The following RMND5A variants were observed in gnomAD, a reference collection of about 807,000 sequenced individuals.
RMND5A encodes the protein E3 ubiquitin-protein transferase RMND5A.
Under a neutral mutation model 49.7 loss-of-function variants are expected in RMND5A, and 17 were observed. The ratio of observed to expected loss-of-function variants is 0.34; its 90% CI spans 0.23 to 0.51. The LOEUF (loss-of-function observed/expected upper bound fraction) is 0.51, where lower values mean the gene tolerates loss of function less well. Ranked by LOEUF, RMND5A falls within the 20% of genes least tolerant of loss-of-function variation. The pLI is 0.96. For synonymous variants in RMND5A, 156 were observed against 167.7 expected (o/e 0.93, Z 0.54); for missense variants, 255 against 471.3 (o/e 0.54, Z 4.25).
chr2:86,753,592 T>G, intron 4 of RMND5A, 34 bp downstream of exon 4: 2 of 1,125,978 alleles, frequency 1.8e-6, no homozygotes, highest in East Asian at 2.4e-5. Flanking sequence ...TTGAGTACTT[T>G]GAGAACTCTC....
At chr2:86,743,677 C>T (rs377041224) in intron 2 of RMND5A, among the ~76,000 whole-genome samples, 123 of 152,102 alleles carry the variant, frequency 8.1e-4, no homozygotes, top group African/African-American at 2.8e-3. Flanking sequence ...TCTTCTCATT[C>T]GTCATATGAA....
chr2:86,760,694 A>G (rs1672464913), intron 4 of RMND5A, among the ~76,000 whole-genome samples: 2 of 152,206 alleles, frequency 1.3e-5, no homozygotes. Flanking sequence ...AAAAATGGAT[A>G]ATTGGAAGAC....
chr2:86,776,177 G>A lies in RMND5A; in HGVS notation c.*2766G>A, dbSNP rs922696922. On this transcript the variant is annotated 3_prime_UTR_variant, in exon 9 of 9. Transcript: ENST00000283632. ...TCTGACTTAGCCAGAGCATCTGAGT[G>A]TTCAAGTACAGTTTTACAGTGGCTA... 29 of 152,320 alleles carry A rather than the reference G, an allele frequency of 1.9e-4. No individual in the cohort carries two copies. The highest frequency in any genetic ancestry group is 6.7e-4 in the African/African-American group (28 of 41,570). The allele number at this position is 152,320 out of a possible 1,614,324, so 9.4% of individuals were successfully genotyped here.
intron 6 of RMND5A, 108 bp from the exon 7 acceptor site, chr2:86,769,915 C>A: frequency 1.4e-6 from 1 of 732,232 alleles, no homozygotes; most frequent in Non-Finnish European, 2.4e-6. Context: ...TCACCCTGTC[C>A]AGTGGCCAGG....
Position 86,776,574 on chromosome 2 carries a change from C to T in RMND5A, c.*3163C>T, listed in dbSNP as rs1553428922. On this transcript the variant is annotated 3_prime_UTR_variant, in exon 9 of 9. Coordinates refer to ENST00000283632, the MANE Select transcript of RMND5A (RefSeq NM_022780.4). ...TTTATGCTGCGATTGATTTCCACCT[C>T]AGTGGCTTAGCCTTTGGGACAGTGG... 1 of 152,180 alleles carries T rather than the reference C, an allele frequency of 6.6e-6. No individual in the cohort carries two copies. Among genetic ancestry groups the T allele is most frequent in the Non-Finnish European group, 1.5e-5 (1 of 68,032 alleles). The allele number at this position is 152,180 out of a possible 1,614,324, so 9.4% of individuals were successfully genotyped here. A position where few individuals can be genotyped will look rare whatever the true frequency, so the allele number is the denominator to read the frequency against.
intron 6 of RMND5A, among the ~76,000 whole-genome samples, 161 bp from the exon 7 acceptor site, chr2:86,769,862 T>C (rs997955220): frequency 1.3e-5 from 2 of 152,202 alleles, no homozygotes; most frequent in Non-Finnish European, 1.5e-5. Context: ...ATTTCTCTTC[T>C]AGTGGAAATG....
intron 6 of RMND5A, among the ~76,000 whole-genome samples, chr2:86,766,908 C>T (rs1672607104): frequency 6.6e-6 from 1 of 152,080 alleles, no homozygotes; most frequent in Non-Finnish European, 1.5e-5. Context: ...CAGTACACAT[C>T]ATCTTAATAA....
chr2:86,770,153 A>C, intron 7 of RMND5A, 28 bp downstream of exon 7: 2 of 1,410,280 alleles, frequency 1.4e-6, no homozygotes, highest in Non-Finnish European at 2.0e-6. Context: ...TTGGCTATTT[A>C]CTTTTACTGC....
At chr2:86,720,955 A>T (rs1681200125) in intron 1 of RMND5A, 146 bp downstream of exon 1, 1 of 639,966 alleles carries the variant, frequency 1.6e-6, no homozygotes, top group East Asian at 3.3e-5. Flanking sequence ...GACCCCTGAG[A>T]CTTTTTCCCC....
rs1157214261 is a variant in RMND5A at position 86,750,223 on chromosome 2, C to G, written c.286-1673C>G. Among the ~76,000 whole-genome samples the G allele has an allele frequency of 2.6e-5, 4 of 152,330 alleles. No homozygotes were observed. In the East Asian group the frequency reaches 7.7e-4, roughly 29 times the overall value. On this transcript the variant is annotated intron_variant, in intron 2 of 8. Transcript: ENST00000283632. The stretch of plus-strand genomic sequence containing the variant: ...GATGTACGTTTGCTCTTCTTTCACT[C>G]TTGATGTTTCATGTTCCTTCTGGTG...
chr2:86,721,592 G>A (rs1270616842), intron 1 of RMND5A, among the ~76,000 whole-genome samples: 5 of 151,770 alleles, frequency 3.3e-5, no homozygotes, highest in Non-Finnish European at 7.4e-5. Flanking sequence ...TCCTATAGAA[G>A]GTGTTTCACC....
intron 2 of RMND5A, among the ~76,000 whole-genome samples, chr2:86,746,309 T>C (rs1681537042): frequency 6.6e-6 from 1 of 152,200 alleles, no homozygotes; most frequent in Non-Finnish European, 1.5e-5. Context: ...GTTTATATTT[T>C]CTAATAAGGA....
At chr2:86,752,398 T>C (rs888586621) in intron 3 of RMND5A, among the ~76,000 whole-genome samples, 1 of 152,250 alleles carries the variant, frequency 6.6e-6, no homozygotes, top group Non-Finnish European at 1.5e-5. Context: ...TCTTCTGTTC[T>C]AGCCCAGCTT....
chr2:86,728,273 G>T (rs1681301253), intron 1 of RMND5A, among the ~76,000 whole-genome samples: 1 of 82,700 alleles, frequency 1.2e-5, no homozygotes. Context: ...AGGAGGTCTG[G>T]GTTTGAATCC....
intron 1 of RMND5A, among the ~76,000 whole-genome samples, chr2:86,733,928 GA>G (rs1184205919): frequency 6.7e-6 from 1 of 150,002 alleles, no homozygotes; most frequent in African/African-American, 2.5e-5. Flanking sequence ...GGTTCTCCTA[GA>G]AGCAGGTTGT....
chr2:86,757,286 A>C (rs530769040), intron 4 of RMND5A, among the ~76,000 whole-genome samples: 1 of 151,858 alleles, frequency 6.6e-6, no homozygotes, highest in African/African-American at 2.4e-5. Flanking sequence ...ACACCTGATT[A>C]CATAGATCTA....
intron 4 of RMND5A, among the ~76,000 whole-genome samples, chr2:86,760,425 A>G (rs1426429982): frequency 2.0e-5 from 3 of 152,258 alleles, no homozygotes; most frequent in African/African-American, 7.2e-5. Flanking sequence ...GTTTAGTTAA[A>G]TAACACCTGG....
chr2:86,748,892 G>C (rs1681585296), intron 2 of RMND5A, among the ~76,000 whole-genome samples: 2 of 152,182 alleles, frequency 1.3e-5, no homozygotes, highest in African/African-American at 4.8e-5. Flanking sequence ...AAATGAATAA[G>C]TAGAAACCTG....
rs1672760246 is a variant in RMND5A at position 86,775,869 on chromosome 2, C to G, written c.*2458C>G. ...GATACAGCATTCTGTCCCCCCTGCC[C>G]TAGAAACTCCATAAATGCTGTCACA... is the stretch of plus-strand genomic sequence containing the variant. On this transcript the variant is annotated 3_prime_UTR_variant, in exon 9 of 9. Coordinates refer to ENST00000283632, the MANE Select transcript of RMND5A (RefSeq NM_022780.4). 1.3e-5 allele frequency: 2 copies of G among 152,208 alleles called. No individual in the cohort carries two copies. The allele number at this position is 152,208 out of a possible 1,614,324, so 9.4% of individuals were successfully genotyped here. A position where few individuals can be genotyped will look rare whatever the true frequency, so the allele number is the denominator to read the frequency against.
Sources: gnomAD v4.1 joint callset for allele counts (sites outside exome capture counted in the v4.1 genomes callset) on GRCh38, gnomAD v4.1.1 for gene constraint, MANE v1.5 for transcripts, NCBI Gene and HGNC (gene_info 2026-07-23, HGNC 2026-07-21) for gene names.